TNS4: variants seen among roughly 807,000 people sequenced by gnomAD.
The protein encoded by TNS4 is tensin-4.
Under a neutral mutation model 70.4 loss-of-function variants are expected in TNS4, and 46 were observed. The observed-to-expected ratio is 0.65, with a 90% CI of 0.52 to 0.84. The LOEUF (loss-of-function observed/expected upper bound fraction) is 0.84. TNS4 is among the 40% of genes least tolerant of loss of function. TNS4 has a pLI of 0.00. For synonymous variants in TNS4, 390 were observed against 366.6 expected, an observed-to-expected ratio of 1.06 and a Z score of -0.73; for missense variants, 863 against 907.0, an observed-to-expected ratio of 0.95 and a Z score of 0.62.
Position 40,477,602 on chromosome 17 carries a change from C to T in TNS4, c.2134G>A (p.Ala712Thr), listed in dbSNP as rs72819644. 5.0e-3 allele frequency: 8,080 copies of T among 1,614,046 alleles called. 30 individuals carry two copies. Among genetic ancestry groups the T allele is most frequent in the Non-Finnish European group, 6.4e-3 (7,576 of 1,179,990 alleles). The change falls in exon 13 of 13, where the codon GCA becomes ACA. Residue 712 changes from alanine (A) to threonine (T), a missense_variant. Transcript: ENST00000254051. ...CAGTCTCTCCCCTACATCCTTTCTGCGTCCTGCAGCAGAGCAGTCACCAGG... is the reference window on the plus strand; with the variant it reads ...CAGTCTCTCCCCTACATCCTTTCTGTGTCCTGCAGCAGAGCAGTCACCAGG... ...IGLVTALLQD[A>T]ERM
At chr17:40,492,613 TG>T (rs59375341) in intron 2 of TNS4, among the ~76,000 whole-genome samples, 35,155 of 139,986 alleles carry the variant, frequency 0.25, 4,474 homozygotes, top group South Asian at 0.33. Flanking sequence ...TTTTTTTTTT[TG>T]TTTTAAGCCT....
chr17:40,488,801 A>G lies in TNS4; in HGVS notation c.608T>C (p.Phe203Ser). 6.2e-7 allele frequency: 1 copy of G among 1,612,504 alleles called. No homozygotes were observed. The highest frequency in any genetic ancestry group is 8.5e-7 in the Non-Finnish European group (1 of 1,179,726). ...ETRSSSESLIFSGNQGRGHQR... is the reference protein window; with the variant it reads ...ETRSSSESLISSGNQGRGHQR... ...GTGCCCCCTGCCCTGGTTCCCAGAG[A>G]AGATGAGGCTCTCACTGCTGCTTCG... Residue 203 changes from phenylalanine (F) to serine (S), a missense_variant, in exon 3 of 13, where the codon TTC (phenylalanine) becomes TCC (serine). Coordinates refer to ENST00000254051, the MANE Select transcript of TNS4 (RefSeq NM_032865.6).
At chr17:40,499,072 A>G (rs2036179078) in intron 1 of TNS4, among the ~76,000 whole-genome samples, 12 of 152,168 alleles carry the variant, frequency 7.9e-5, no homozygotes, top group Admixed American at 7.9e-4. Flanking sequence ...AAAAACTAAA[A>G]GGCAGAAATG....
rs2035930595 is a variant in TNS4, at chr17:40,482,224, G to A, written c.1595-18C>T. On this transcript the variant is annotated intron_variant, in intron 7 of 12. Transcript: ENST00000254051. The stretch of plus-strand genomic sequence containing the variant: ...GAGGCTCCCTGAAAGGAAGCAAGCA[G>A]CCCTGCATGAGTAGAGCTTCCCCAA... 1 of 1,614,142 alleles carries A rather than the reference G, an allele frequency of 6.2e-7. No homozygotes were observed.
intron 12 of TNS4, chr17:40,478,087 C>G (rs1415579003): frequency 1.6e-5 from 10 of 633,706 alleles, no homozygotes; most frequent in Non-Finnish European, 2.5e-5. Flanking sequence ...AGAGCCTGTG[C>G]CTCTTGCAGA....
At chr17:40,492,286 A>G (rs1597698267) in intron 2 of TNS4, among the ~76,000 whole-genome samples, 1 of 151,738 alleles carries the variant, frequency 6.6e-6, no homozygotes, top group South Asian at 2.1e-4. Flanking sequence ...TCACGTACCC[A>G]CCCCGAGCCT....
Position 40,484,489 on chromosome 17 carries a change from C to T in TNS4, c.1496G>A (p.Arg499Gln), listed in dbSNP as rs759376989. 8.1e-6 allele frequency: 13 copies of T among 1,610,244 alleles called. No homozygotes were observed. The Admixed American group carries it at 1.2e-4, about 14-fold the overall frequency. ...GCACAGAGACAGACGCATACCTGGT[C>T]GACTCTGAGCAGACGCGGGAACCTC... is the stretch of plus-strand genomic sequence containing the variant. ...VQEVPASAQS[R>Q]PGEDSNDLIR... The change falls in exon 6 of 13, where the codon CGA becomes CAA. Residue 499 changes from arginine (R) to glutamine (Q), a missense_variant. Transcript: ENST00000254051.
intron 9 of TNS4, 153 bp from the exon 10 acceptor site, chr17:40,479,995 T>A (rs758954391): frequency 1.0e-6 from 1 of 1,004,364 alleles, no homozygotes; most frequent in Non-Finnish European, 1.4e-6. Flanking sequence ...GTGTGGGTGA[T>A]CACAGTTTGA....
chr17:40,488,759 G>A lies in TNS4; in HGVS notation c.650C>T (p.Pro217Leu). Residue 217 changes from proline (P) to leucine (L), a missense_variant, in exon 3 of 13, where the codon CCC (proline) becomes CTC (leucine). Pro to Leu is a moderately conservative substitution (Grantham distance 98, BLOSUM62 -3). Coordinates refer to ENST00000254051, the MANE Select transcript of TNS4 (RefSeq NM_032865.6). ...QGRGHQRPLP[P>L]SEGLSPRPPN... ...GGGTCGAGGGGAGAGACCCTCTGAG[G>A]GGGGCAGAGGGCGCTGGTGCCCCCT... 2 of 1,605,064 alleles carry A rather than the reference G, an allele frequency of 1.2e-6. No individual in the cohort carries two copies. Among genetic ancestry groups the A allele is most frequent in the Non-Finnish European group, 8.5e-7 (1 of 1,176,464 alleles).
In TNS4 at chr17:40,488,867, C is replaced by T. The variant is rs2036028740; in HGVS notation, c.542G>A (p.Ser181Asn). 1.9e-6 allele frequency: 3 copies of T among 1,613,512 alleles called. No homozygotes were observed. The highest frequency in any genetic ancestry group is 2.5e-6 in the Non-Finnish European group (3 of 1,179,910). Residue 181 changes from serine (S) to asparagine (N), a missense_variant, in exon 3 of 13, where the codon AGT (serine) becomes AAT (asparagine). By Grantham distance (46) the Ser-to-Asn change is conservative. Transcript: ENST00000254051. ...SVTPPFGSLR[S>N]GGLLLSRDVP... ...GTCTCTGGAAAGGAGGAGGCCACCA[C>T]TGCGAAGGGAGCCGAAGGGCGGGGT...
chr17:40,477,562 G>T lies in TNS4; in HGVS notation c.*26C>A. 1 of 1,613,020 alleles carries T rather than the reference G, an allele frequency of 6.2e-7. No individual in the cohort carries two copies. Among genetic ancestry groups the T allele is most frequent in the South Asian group, 1.1e-5 (1 of 91,026 alleles). ...TCCTTAGCGAGCCCCTGGAGGTGTT[G>T]GTTAGGTGCACAGGCAGTCTCTCCC... On this transcript the variant is annotated 3_prime_UTR_variant, in exon 13 of 13. Coordinates refer to ENST00000254051, the MANE Select transcript of TNS4 (RefSeq NM_032865.6).
rs1157929860 is a variant in TNS4 at position 40,487,211 on chromosome 17, G to A, written c.1113C>T (p.Asp371=). Residue 371 remains aspartate, a synonymous_variant, in exon 4 of 13, where the codon GAC becomes GAT. Transcript: ENST00000254051. ...CPPSITNSMV[D]IPIVLINGCP... Reference sequence around the variant, plus strand: ...AGCCGTTGATCAGCACAATGGGTATGTCCACCATGGAGTTGGTGATGGATG... The same window carrying A: ...AGCCGTTGATCAGCACAATGGGTATATCCACCATGGAGTTGGTGATGGATG... 6.2e-7 allele frequency: 1 copy of A among 1,614,208 alleles called. No individual in the cohort carries two copies. The highest frequency in any genetic ancestry group is 8.5e-7 in the Non-Finnish European group (1 of 1,180,036).
At position 40,484,478 on chromosome 17, in the gene TNS4, G is replaced by A. The variant is rs71371429; in HGVS notation, c.1501+6C>T. The A allele has an allele frequency of 1.6e-3, 2,602 of 1,609,078 alleles. 30 individuals carry two copies. The African/African-American group carries it at 0.031, about 19-fold the overall frequency. On this transcript the variant is annotated splice_donor_region_variant and intron_variant, in intron 6 of 12. Coordinates refer to ENST00000254051, the MANE Select transcript of TNS4 (RefSeq NM_032865.6). ...GCCTTGAGTGAGCACAGAGACAGAC[G>A]CATACCTGGTCGACTCTGAGCAGAC...
At chr17:40,483,319 G>C (rs1188256417) in intron 6 of TNS4, among the ~76,000 whole-genome samples, 1 of 151,982 alleles carries the variant, frequency 6.6e-6, no homozygotes, top group Non-Finnish European at 1.5e-5. Context: ...AAGTGATTCT[G>C]CTGCCTCAGG....
chr17:40,495,895 C>T (rs2036135975), intron 2 of TNS4, 92 bp downstream of exon 2: 1 of 1,406,204 alleles, frequency 7.1e-7, no homozygotes, highest in Non-Finnish European at 9.6e-7. Flanking sequence ...CCCAACAGGA[C>T]AGGGTCCCCT....
chr17:40,479,979 G>A, intron 9 of TNS4, 137 bp from the exon 10 acceptor site: 1 of 1,071,244 alleles, frequency 9.3e-7, no homozygotes, highest in South Asian at 1.7e-5. Context: ...CCAACAGAAA[G>A]TGGGTGTGTG....
Position 40,480,722 on chromosome 17 carries a change from G to A in TNS4, c.1719C>T (p.Ala573=). 1 of 1,580,290 alleles carries A rather than the reference G, an allele frequency of 6.3e-7. No homozygotes were observed. The highest frequency in any genetic ancestry group is 8.6e-7 in the Non-Finnish European group (1 of 1,166,796). Residue 573 remains alanine (A), a synonymous_variant, in exon 9 of 13, where the codon GCC becomes GCT. Transcript: ENST00000254051. Reference sequence around the variant, plus strand: ...CACCCGCAGATTTCTTCTGGCAGGAGGCTGGGCTGTCTGTAGAGTCCGAGG... The same window carrying A: ...CACCCGCAGATTTCTTCTGGCAGGAAGCTGGGCTGTCTGTAGAGTCCGAGG... The part of the protein sequence containing the change: ...DGASDSTDSP[A]SCQKKSAGCH...
Position 40,488,887 on chromosome 17 carries a change from C to A in TNS4, c.522G>T (p.Pro174=). The A allele has an allele frequency of 6.2e-7, 1 of 1,612,700 alleles. No individual in the cohort carries two copies. Among genetic ancestry groups the A allele is most frequent in the Non-Finnish European group, 8.5e-7 (1 of 1,179,710 alleles). ...PQHCSSPSVT[P]PFGSLRSGGL... ...CACCACTGCGAAGGGAGCCGAAGGG[C>A]GGGGTGACAGAGGGGCTGGAGCAGT... The change falls in exon 3 of 13, where the codon CCG becomes CCT. Residue 174 remains proline, a synonymous_variant. Transcript: ENST00000254051.
chr17:40,478,677 C>A (rs749906), intron 10 of TNS4, 29 bp from the exon 11 acceptor site: 1 of 1,610,756 alleles, frequency 6.2e-7, no homozygotes, highest in Non-Finnish European at 8.5e-7. Context: ...AGAAGGGAAG[C>A]GATGACAGCC....
Sources: allele counts gnomAD v4.1 joint callset (sites outside exome capture counted in the v4.1 genomes callset), GRCh38; gene constraint gnomAD v4.1.1; transcripts MANE v1.5; gene names NCBI Gene and HGNC (gene_info 2026-07-23, HGNC 2026-07-21).